The following ANO4 variants were observed in gnomAD, a reference collection of about 807,000 sequenced individuals.
ANO4 encodes the protein anoctamin-4.
Under a neutral mutation model 141.9 loss-of-function variants are expected in ANO4, and 69 were observed. The ratio of observed to expected loss-of-function variants is 0.49; its 90% confidence interval spans 0.40 to 0.59. The LOEUF is 0.59. Ranked by LOEUF, ANO4 falls within the 20% of genes least tolerant of loss-of-function variation. The probability of loss-of-function intolerance (pLI) is 0.00; values close to 1 mark genes in which losing one functional copy is unlikely to be tolerated. For missense variants in ANO4, 894 were observed against 1,162.2 expected, an observed-to-expected ratio of 0.77 and a Z score of 3.36; for synonymous variants, 350 against 394.3, an observed-to-expected ratio of 0.89 and a Z score of 1.33.
At chr12:100,898,972 G>T (rs1010852839) in intron 1 of ANO4, among the ~76,000 whole-genome samples, 1 of 152,164 alleles carries the variant, frequency 6.6e-6, no homozygotes, top group Non-Finnish European at 1.5e-5. Flanking sequence ...CAGGGAACAT[G>T]CACCAGTGGC....
In ANO4 at chr12:101,083,599, G is replaced by A. The variant is rs1838944296; in HGVS notation, c.1396-79G>A. On this transcript the variant is annotated intron_variant, in intron 15 of 27. Transcript: ENST00000392977. ...GTGGCAGCTGTTGACTCTGTTTTAT[G>A]GTGGGGTAAAATGATATTTCTTTTT... 22 of 1,505,858 alleles carry A rather than the reference G, an allele frequency of 1.5e-5. No individual in the cohort carries two copies. In the South Asian group the frequency reaches 2.6e-4, roughly 18 times the overall value. The allele number at this position is 1,505,858 out of a possible 1,614,324, so 93.3% of individuals were successfully genotyped here.
chr12:100,893,237 A>AG (rs751137725), intron 1 of ANO4, among the ~76,000 whole-genome samples: 8 of 150,348 alleles, frequency 5.3e-5, no homozygotes, highest in African/African-American at 2.0e-4. Context: ...GGCAAGAAGG[A>AG]GGATTTTTTT....
intron 7 of ANO4, among the ~76,000 whole-genome samples, chr12:100,978,775 GA>G (rs1194092638): frequency 6.6e-6 from 1 of 152,188 alleles, no homozygotes; most frequent in Non-Finnish European, 1.5e-5. Context: ...AAGGGCTAGG[GA>G]AAATATTGTT....
intron 14 of ANO4, among the ~76,000 whole-genome samples, chr12:101,077,854 A>G (rs919310199): frequency 6.6e-6 from 1 of 152,170 alleles, no homozygotes; most frequent in East Asian, 1.9e-4. Context: ...GAATTTTCGC[A>G]TTGCAGATAA....
At chr12:100,812,145 T>G (rs1383085819) in intron 1 of ANO4, among the ~76,000 whole-genome samples, 1 of 152,192 alleles carries the variant, frequency 6.6e-6, no homozygotes, top group Non-Finnish European at 1.5e-5. Context: ...AACACTTAGC[T>G]CAGCATCTGG....
intron 2 of ANO4, chr12:100,739,736 A>G: frequency 1.1e-5 from 7 of 641,420 alleles, no homozygotes; most frequent in Non-Finnish European, 2.0e-5. Context: ...ATGAACATGC[A>G]TTCTTAGCTC....
At chr12:100,865,448 C>A (rs900050430) in intron 1 of ANO4, among the ~76,000 whole-genome samples, 5 of 152,036 alleles carry the variant, frequency 3.3e-5, no homozygotes, top group African/African-American at 1.2e-4. Context: ...CTACAAGAAA[C>A]TTAAACAAAT....
chr12:101,047,765 G>A (rs1332706037), intron 13 of ANO4, among the ~76,000 whole-genome samples: 2 of 152,130 alleles, frequency 1.3e-5, no homozygotes, highest in East Asian at 1.9e-4. Flanking sequence ...AGTTGTCTTT[G>A]TGTTATGTGC....
intron 1 of ANO4, among the ~76,000 whole-genome samples, chr12:100,876,850 CT>C (rs1406066269): frequency 3.3e-5 from 5 of 152,154 alleles, no homozygotes; most frequent in Non-Finnish European, 5.9e-5. Flanking sequence ...ATTTTGATTA[CT>C]TTAGCTATGT....
At chr12:100,889,193 C>T (rs1489340939) in intron 1 of ANO4, among the ~76,000 whole-genome samples, 3 of 151,990 alleles carry the variant, frequency 2.0e-5, no homozygotes, top group Non-Finnish European at 4.4e-5. Flanking sequence ...ATCCATGTCC[C>T]TACAAAGGAC....
intron 5 of ANO4, among the ~76,000 whole-genome samples, chr12:100,950,080 A>G (rs2042907403): frequency 1.3e-5 from 2 of 152,148 alleles, no homozygotes; most frequent in Admixed American, 6.5e-5. Flanking sequence ...ATGCTCTCTC[A>G]GCATCCAGAA....
chr12:100,890,917 C>T (rs1193745553), intron 1 of ANO4, among the ~76,000 whole-genome samples: 1 of 152,084 alleles, frequency 6.6e-6, no homozygotes, highest in Non-Finnish European at 1.5e-5. Context: ...GTTTTATTGC[C>T]CTAAAAATCC....
chr12:100,795,305 T>C (rs1302135618), intron 1 of ANO4, among the ~76,000 whole-genome samples: 1 of 152,204 alleles, frequency 6.6e-6, no homozygotes, highest in East Asian at 1.9e-4. Flanking sequence ...GTGTTCACGA[T>C]GGTAAACTGC....
chr12:100,866,940 T>C (rs2038781697), intron 1 of ANO4, among the ~76,000 whole-genome samples: 1 of 152,192 alleles, frequency 6.6e-6, no homozygotes. Flanking sequence ...AGTTGTCTCC[T>C]CTCCTAGCTC....
chr12:100,923,599 G>A (rs934798068), intron 3 of ANO4, among the ~76,000 whole-genome samples: 2 of 152,066 alleles, frequency 1.3e-5, no homozygotes, highest in Non-Finnish European at 2.9e-5. Flanking sequence ...ATAAACATAC[G>A]TGTGCATGTG....
intron 1 of ANO4, among the ~76,000 whole-genome samples, chr12:100,876,631 G>A (rs1197379670): frequency 6.6e-6 from 1 of 152,200 alleles, no homozygotes; most frequent in Non-Finnish European, 1.5e-5. Context: ...ATGTGGAGGA[G>A]CTGGCTGTAA....
chr12:101,085,420 C>T (rs767876538), intron 16 of ANO4, among the ~76,000 whole-genome samples: 34 of 152,164 alleles, frequency 2.2e-4, no homozygotes, highest in Middle Eastern at 3.4e-3. Context: ...TGTACAGCTA[C>T]ATGTCATTAT....
At chr12:101,060,475 TG>T (rs1186610105) in intron 14 of ANO4, among the ~76,000 whole-genome samples, 1 of 152,204 alleles carries the variant, frequency 6.6e-6, no homozygotes, top group African/African-American at 2.4e-5. Flanking sequence ...ATATTGACAG[TG>T]GGGTATTAAA....
At chr12:101,060,043 T>C (rs1277248019) in intron 14 of ANO4, among the ~76,000 whole-genome samples, 1 of 152,250 alleles carries the variant, frequency 6.6e-6, no homozygotes, top group Non-Finnish European at 1.5e-5. Context: ...CTGCAAACAC[T>C]GCTTCCGCAG....
Sources: gnomAD v4.1 joint callset for allele counts (sites outside exome capture counted in the v4.1 genomes callset) on GRCh38, gnomAD v4.1.1 for gene constraint, MANE v1.5 for transcripts, NCBI Gene and HGNC (gene_info 2026-07-23, HGNC 2026-07-21) for gene names.